Variants in FHIT observed in about 807,000 individuals in gnomAD.
FHIT encodes fragile histidine triad diadenosine triphosphatase.
Under a neutral mutation model 17.9 loss-of-function variants are expected in FHIT, and 19 were observed. That is an observed-to-expected ratio of 1.06 (90% confidence interval 0.74 to 1.56). The LOEUF (loss-of-function observed/expected upper bound fraction) is 1.56. Ranked by LOEUF, FHIT falls within the 40% of genes most tolerant of loss-of-function variation. The pLI is 0.00. For missense variants in FHIT, 248 were observed against 189.2 expected (o/e 1.31, Z -1.82); for synonymous variants, 81 against 69.7 (o/e 1.16, Z -0.81).
intron 5 of FHIT, among the ~76,000 whole-genome samples, chr3:60,070,723 T>C (rs1411514950): frequency 1.3e-5 from 2 of 152,238 alleles, no homozygotes; most frequent in East Asian, 3.8e-4. Context: ...CTGTTCAATA[T>C]AAGGATATAG....
chr3:60,601,420 C>A (rs2038442656), intron 4 of FHIT, among the ~76,000 whole-genome samples: 1 of 152,180 alleles, frequency 6.6e-6, no homozygotes. Flanking sequence ...CTGAAGACCA[C>A]ATTCTGAAAA....
chr3:61,161,396 G>T (rs1212513335), intron 2 of FHIT, among the ~76,000 whole-genome samples: 2 of 151,988 alleles, frequency 1.3e-5, no homozygotes, highest in African/African-American at 4.8e-5. Context: ...AGAGACGGGG[G>T]TTTCACCATG....
At chr3:61,165,153 C>G (rs2037800549) in intron 2 of FHIT, among the ~76,000 whole-genome samples, 1 of 152,130 alleles carries the variant, frequency 6.6e-6, no homozygotes, top group African/African-American at 2.4e-5. Context: ...TGCATATATC[C>G]TCAGTAATGT....
chr3:60,015,850 T>G (rs201054675), intron 5 of FHIT, among the ~76,000 whole-genome samples: 1 of 122,558 alleles, frequency 8.2e-6, no homozygotes, highest in East Asian at 3.9e-4. Context: ...TCCAAAAATG[T>G]TTTTTTTCAA....
At chr3:61,184,584 G>A (rs1445965420) in intron 2 of FHIT, among the ~76,000 whole-genome samples, 1 of 152,096 alleles carries the variant, frequency 6.6e-6, no homozygotes, top group Non-Finnish European at 1.5e-5. Context: ...ATTTTGCAGG[G>A]GAATCATCTT....
At chr3:60,914,332 A>G (rs1489722119) in intron 3 of FHIT, among the ~76,000 whole-genome samples, 1 of 152,180 alleles carries the variant, frequency 6.6e-6, no homozygotes, top group African/African-American at 2.4e-5. Context: ...AAAATATTTA[A>G]GTAGCAGTGC....
At position 60,816,132 on chromosome 3, in the gene FHIT, G is replaced by A. The variant is rs181836524; in HGVS notation, c.-18+5787C>T. ...CTGAAGTTGTTTCTGAGTTCTAGGAGGCTTTTGGTGGCGTCTTTGAGTTTT... is the reference window on the plus strand; with the variant it reads ...CTGAAGTTGTTTCTGAGTTCTAGGAAGCTTTTGGTGGCGTCTTTGAGTTTT... On this transcript the variant is annotated intron_variant, in intron 4 of 9. Coordinates refer to ENST00000492590, the MANE Select transcript of FHIT (RefSeq NM_002012.4). Among the ~76,000 whole-genome samples the A allele has an allele frequency of 1.8e-3, 280 of 152,086 alleles. 1 individual carries two copies. The highest frequency in any genetic ancestry group is 6.5e-3 in the African/African-American group (272 of 41,536).
intron 5 of FHIT, among the ~76,000 whole-genome samples, chr3:60,521,992 A>G (rs1427227847): frequency 6.6e-6 from 1 of 152,166 alleles, no homozygotes; most frequent in Non-Finnish European, 1.5e-5. Context: ...ACAAGGGAAC[A>G]GGAATTGAAA....
rs1179194751 is a variant in FHIT, at chr3:59,922,390, T to C, written c.304A>G (p.Arg102Gly). 1.2e-6 allele frequency: 2 copies of C among 1,613,792 alleles called. No homozygotes were observed. Among genetic ancestry groups the C allele is most frequent in the African/African-American group, 2.7e-5 (2 of 74,884 alleles). The change falls in exon 8 of 10, where the codon AGG becomes GGG. Residue 102 changes from arginine (R) to glycine (G), a missense_variant. Physicochemically the swap from Arg to Gly is moderately radical, Grantham distance 125 (BLOSUM62 -2). Coordinates refer to ENST00000492590, the MANE Select transcript of FHIT (RefSeq NM_002012.4). ...TTCCTGTGAAAGTCTCCAGCCTTCC[T>C]GGGAAGAACATGGACGTGAACGTGC... is the stretch of plus-strand genomic sequence containing the variant. Reference protein sequence around the residue: ...VKHVHVHVLPRKAGDFHRNDS... With the variant: ...VKHVHVHVLPGKAGDFHRNDS...
intron 2 of FHIT, among the ~76,000 whole-genome samples, chr3:61,169,704 G>T (rs566905856): frequency 6.6e-6 from 1 of 152,228 alleles, no homozygotes; most frequent in Admixed American, 6.5e-5. Context: ...AGAAACAAAT[G>T]TTAAACAAAA....
intron 5 of FHIT, among the ~76,000 whole-genome samples, chr3:60,021,414 C>T (rs1222246133): frequency 1.3e-5 from 2 of 152,198 alleles, no homozygotes; most frequent in Non-Finnish European, 2.9e-5. Context: ...CGATAGCATT[C>T]TGGTACAGAT....
At chr3:60,929,959 A>T (rs1337362033) in intron 3 of FHIT, among the ~76,000 whole-genome samples, 1 of 152,228 alleles carries the variant, frequency 6.6e-6, no homozygotes, top group Non-Finnish European at 1.5e-5. Context: ...CTGACTTCAA[A>T]CTATACTACA....
At chr3:59,863,058 G>T (rs1308580999) in intron 8 of FHIT, among the ~76,000 whole-genome samples, 7 of 152,222 alleles carry the variant, frequency 4.6e-5, no homozygotes, top group Non-Finnish European at 1.0e-4. Context: ...ACAATGTGTA[G>T]AGGAATAGTC....
intron 5 of FHIT, among the ~76,000 whole-genome samples, chr3:60,479,096 A>G (rs2033484203): frequency 6.6e-6 from 1 of 152,220 alleles, no homozygotes; most frequent in Non-Finnish European, 1.5e-5. Flanking sequence ...AAGAGATTTG[A>G]AAATAATGTA....
chr3:60,718,004 C>A (rs112296514), intron 4 of FHIT, among the ~76,000 whole-genome samples: 2 of 152,276 alleles, frequency 1.3e-5, no homozygotes, highest in African/African-American at 4.8e-5. Flanking sequence ...TAAAATGCAA[C>A]TTTCCATAGT....
chr3:60,734,394 A>G (rs1577135851), intron 4 of FHIT, among the ~76,000 whole-genome samples: 3 of 152,284 alleles, frequency 2.0e-5, no homozygotes, highest in African/African-American at 4.8e-5. Context: ...GTCTCTCTAT[A>G]TTTTAATTTA....
intron 3 of FHIT, among the ~76,000 whole-genome samples, chr3:60,891,939 T>C (rs1705534224): frequency 6.6e-6 from 1 of 152,162 alleles, no homozygotes; most frequent in African/African-American, 2.4e-5. Flanking sequence ...AAATCAAATA[T>C]GGCACCAAGA....
At chr3:59,889,164 T>C (rs982429455) in intron 8 of FHIT, among the ~76,000 whole-genome samples, 6 of 152,206 alleles carry the variant, frequency 3.9e-5, no homozygotes, top group Non-Finnish European at 7.3e-5. Context: ...TGTCTTAATT[T>C]TTCCCTACTA....
At chr3:60,185,609 G>C (rs9856574) in intron 5 of FHIT, among the ~76,000 whole-genome samples, 5,284 of 152,226 alleles carry the variant, frequency 0.035, 195 homozygotes, top group East Asian at 0.11. Flanking sequence ...AATTTCATAA[G>C]TTTTCATATC....
Sources: allele counts gnomAD v4.1 joint callset (sites outside exome capture counted in the v4.1 genomes callset), GRCh38; gene constraint gnomAD v4.1.1; transcripts MANE v1.5; gene names NCBI Gene and HGNC (gene_info 2026-07-23, HGNC 2026-07-21).